The following CXADR variants were observed in gnomAD, a reference collection of about 807,000 sequenced individuals.
CXADR encodes the protein CXADR cell adhesion molecule.
In CXADR, 20 loss-of-function variants were observed where a neutral mutation model predicts 40.3. The ratio of observed to expected loss-of-function variants is 0.50; its 90% CI spans 0.35 to 0.72. The LOEUF (loss-of-function observed/expected upper bound fraction) is 0.72, where lower values mean the gene tolerates loss of function less well. Ranked by LOEUF, CXADR falls within the 30% of genes least tolerant of loss-of-function variation. CXADR has a pLI of 0.01. For missense variants in CXADR, 332 were observed against 449.1 expected (o/e 0.74, Z 2.36); for synonymous variants, 150 against 161.3 (o/e 0.93, Z 0.53).
intron 3 of CXADR, among the ~76,000 whole-genome samples, chr21:17,554,641 C>T (rs556204055): frequency 1.3e-5 from 2 of 152,196 alleles, no homozygotes; most frequent in South Asian, 2.1e-4. Flanking sequence ...TTAGATGAGT[C>T]GTGACTGCTG....
chr21:17,610,242 T>C, the CXADR span, among the ~76,000 whole-genome samples: 1 of 152,188 alleles, frequency 6.6e-6, no homozygotes, highest in Non-Finnish European at 1.5e-5. Context: ...TTTACTAAAT[T>C]TCACTATAGT....
chr21:17,523,031 C>T (rs2060551206), intron 1 of CXADR, among the ~76,000 whole-genome samples: 1 of 152,128 alleles, frequency 6.6e-6, no homozygotes, highest in Non-Finnish European at 1.5e-5. Context: ...TCATTGTGTC[C>T]CTCCAGCCAC....
intron 1 of CXADR, among the ~76,000 whole-genome samples, chr21:17,526,948 T>C (rs2060605019): frequency 6.6e-6 from 1 of 152,180 alleles, no homozygotes; most frequent in Non-Finnish European, 1.5e-5. Flanking sequence ...AAGATTTCCT[T>C]ATATGGAGTG....
chr21:17,537,085 G>A (rs1166683044), intron 1 of CXADR, among the ~76,000 whole-genome samples: 4 of 152,120 alleles, frequency 2.6e-5, no homozygotes, highest in Non-Finnish European at 5.9e-5. Context: ...AATGACTAGA[G>A]GTGCTCTCTG....
chr21:17,570,991 G>T, downstream of CXADR, among the ~76,000 whole-genome samples: 1 of 152,142 alleles, frequency 6.6e-6, no homozygotes, highest in East Asian at 1.9e-4. Flanking sequence ...CCACCCGCTG[G>T]ATATCAGTAG....
chr21:17,587,533 G>A (rs996706878), intron 7 of CXADR, among the ~76,000 whole-genome samples: 12 of 152,184 alleles, frequency 7.9e-5, no homozygotes, highest in Non-Finnish European at 8.8e-5. Flanking sequence ...CTGCATAAAT[G>A]TCTTCTTTTG....
At chr21:17,617,864 T>G in the CXADR span, among the ~76,000 whole-genome samples, 1 of 152,206 alleles carries the variant, frequency 6.6e-6, no homozygotes, top group African/African-American at 2.4e-5. Context: ...CTCCTTTTCA[T>G]GAAAGATTTC....
chr21:17,606,345 A>G, the CXADR span, among the ~76,000 whole-genome samples: 1 of 152,134 alleles, frequency 6.6e-6, no homozygotes, highest in South Asian at 2.1e-4. Flanking sequence ...TTAATACTCA[A>G]CCCTGTATAT....
At chr21:17,622,602 T>C in the CXADR span, among the ~76,000 whole-genome samples, 1 of 152,196 alleles carries the variant, frequency 6.6e-6, no homozygotes, top group Non-Finnish European at 1.5e-5. Context: ...TGGTTTTTTT[T>C]CCAGAAGGAA....
downstream of CXADR, among the ~76,000 whole-genome samples, chr21:17,595,765 A>C (rs1601080366): frequency 2.0e-5 from 3 of 152,070 alleles, no homozygotes; most frequent in South Asian, 2.1e-4. Flanking sequence ...AGAAGGCTTT[A>C]TAGGCATATT....
chr21:17,551,465 G>T lies in CXADR; in HGVS notation c.211-284G>T, dbSNP rs184007437. On this transcript the variant is annotated intron_variant, in intron 2 of 6. Coordinates refer to ENST00000284878, the MANE Select transcript of CXADR (RefSeq NM_001338.5). ...TGTTCTTGCCCAATCTTACTAAATT[G>T]CTCTCTAGGACAGTATAGGGCTTTA... Among the ~76,000 whole-genome samples, 339 of 152,228 alleles carry T rather than the reference G, an allele frequency of 2.2e-3. 1 individual carries two copies. The highest frequency in any genetic ancestry group is 2.7e-3 in the Admixed American group (42 of 15,276).
At chr21:17,608,104 C>A in the CXADR span, among the ~76,000 whole-genome samples, 1 of 152,146 alleles carries the variant, frequency 6.6e-6, no homozygotes. Flanking sequence ...TGGTGGCTCA[C>A]GCCTGTAATC....
In CXADR at chr21:17,569,791, T is replaced by G; in HGVS notation, c.*4099T>G. ...AAAGCTCCATCAAAACAGAACTTTGTGTTTTCTGCTAACTTATTTAATGAC... is the reference window on the plus strand; with the variant it reads ...AAAGCTCCATCAAAACAGAACTTTGGGTTTTCTGCTAACTTATTTAATGAC... On this transcript the variant is annotated 3_prime_UTR_variant, in exon 7 of 7. Coordinates refer to ENST00000284878, the MANE Select transcript of CXADR (RefSeq NM_001338.5). 1.0e-6 allele frequency: 1 copy of G among 985,364 alleles called. No individual in the cohort carries two copies. The highest frequency in any genetic ancestry group is 4.7e-5 in the South Asian group (1 of 21,288). The allele number at this position is 985,364 out of a possible 1,614,324, so 61.0% of individuals were successfully genotyped here.
At chr21:17,604,166 G>C in the CXADR span, 1 of 1,275,600 alleles carries the variant, frequency 7.8e-7, no homozygotes, top group East Asian at 6.3e-5. Flanking sequence ...GGAGGAGGCC[G>C]GGCGCAGTGG....
intron 7 of CXADR, among the ~76,000 whole-genome samples, chr21:17,579,430 G>GCC (rs2061344887): frequency 6.6e-6 from 1 of 151,956 alleles, no homozygotes; most frequent in Non-Finnish European, 1.5e-5. Flanking sequence ...GACTACAGGT[G>GCC]CATGCCACCA....
intron 7 of CXADR, among the ~76,000 whole-genome samples, chr21:17,589,742 T>A (rs1401696064): frequency 6.6e-6 from 1 of 152,052 alleles, no homozygotes; most frequent in Non-Finnish European, 1.5e-5. Flanking sequence ...GAACACTTAT[T>A]ACGTAGGTAA....
At chr21:17,536,915 C>G (rs1209274042) in intron 1 of CXADR, among the ~76,000 whole-genome samples, 2 of 152,040 alleles carry the variant, frequency 1.3e-5, no homozygotes, top group Non-Finnish European at 2.9e-5. Flanking sequence ...CACCACCATG[C>G]CCAGCTAATT....
At chr21:17,554,965 C>T (rs756901130) in intron 3 of CXADR, among the ~76,000 whole-genome samples, 5 of 152,234 alleles carry the variant, frequency 3.3e-5, no homozygotes, top group East Asian at 3.9e-4. Context: ...GATTGATAGT[C>T]GTCTGGATGT....
intron 1 of CXADR, among the ~76,000 whole-genome samples, chr21:17,543,819 C>T (rs1184711237): frequency 1.3e-5 from 2 of 151,964 alleles, no homozygotes; most frequent in Non-Finnish European, 2.9e-5. Context: ...TTTAAAAGTT[C>T]GCAAAAATAC....
Sources: gnomAD v4.1 joint callset for allele counts (sites outside exome capture counted in the v4.1 genomes callset) on GRCh38, gnomAD v4.1.1 for gene constraint, MANE v1.5 for transcripts, NCBI Gene and HGNC (gene_info 2026-07-23, HGNC 2026-07-21) for gene names.